The following CCDC178 variants were observed in gnomAD, a reference collection of about 807,000 sequenced individuals.
The protein encoded by CCDC178 is coiled-coil domain-containing protein 178.
CCDC178 carries 126 observed loss-of-function variants against 117.4 expected under a neutral mutation model. The ratio of observed to expected loss-of-function variants is 1.07; its 90% confidence interval spans 0.93 to 1.24. The LOEUF (loss-of-function observed/expected upper bound fraction) is 1.24. Among genes scored for constraint, CCDC178 ranks in the 50% most tolerant of loss-of-function variants. The probability of loss-of-function intolerance (pLI) is 0.00; values close to 1 mark genes in which losing one functional copy is unlikely to be tolerated. For missense variants in CCDC178, 1,030 were observed against 986.9 expected (o/e 1.04, Z -0.59); for synonymous variants, 283 against 313.4 (o/e 0.90, Z 1.02).
chr18:33,316,286 C>T (rs1476358246), intron 11 of CCDC178, among the ~76,000 whole-genome samples: 1 of 152,180 alleles, frequency 6.6e-6, no homozygotes, highest in Non-Finnish European at 1.5e-5. Flanking sequence ...GCGCGAGTTC[C>T]GTGGGTGTGA....
intron 21 of CCDC178, among the ~76,000 whole-genome samples, chr18:33,034,980 A>G (rs943186626): frequency 6.6e-6 from 1 of 151,968 alleles, no homozygotes; most frequent in Non-Finnish European, 1.5e-5. Context: ...TTTTATTCCT[A>G]ACACTCAAGG....
intron 22 of CCDC178, among the ~76,000 whole-genome samples, chr18:32,951,836 G>C (rs1164097028): frequency 1.3e-5 from 2 of 152,154 alleles, no homozygotes; most frequent in Non-Finnish European, 2.9e-5. Context: ...AGATACAATG[G>C]GGGTACAGGC....
intron 5 of CCDC178, among the ~76,000 whole-genome samples, chr18:33,372,379 G>A (rs764051063): frequency 1.3e-5 from 2 of 152,042 alleles, no homozygotes; most frequent in Non-Finnish European, 2.9e-5. Context: ...ATAACTAGCT[G>A]CACATCTTTA....
intron 22 of CCDC178, among the ~76,000 whole-genome samples, chr18:32,964,071 A>G (rs1040860559): frequency 1.3e-5 from 2 of 152,030 alleles, no homozygotes; most frequent in African/African-American, 4.8e-5. Context: ...TAGGAGAATA[A>G]TAACATAATC....
At chr18:33,379,964 C>T (rs2063420238) in intron 5 of CCDC178, among the ~76,000 whole-genome samples, 1 of 152,064 alleles carries the variant, frequency 6.6e-6, no homozygotes. Context: ...GGGTGTGGAG[C>T]AGAGAGGGCC....
At chr18:33,110,231 TCTTA>T (rs1323321001) in intron 20 of CCDC178, among the ~76,000 whole-genome samples, 1 of 151,646 alleles carries the variant, frequency 6.6e-6, no homozygotes, top group Non-Finnish European at 1.5e-5. Context: ...TGTCACTTTT[TCTTA>T]CTTATGCTGC....
intron 12 of CCDC178, among the ~76,000 whole-genome samples, chr18:33,272,056 A>T (rs60627702): frequency 0.069 from 10,409 of 151,492 alleles, 555 homozygotes; most frequent in African/African-American, 0.14. Flanking sequence ...TAATTTTTAA[A>T]AAACTACAGT....
At chr18:33,056,263 A>G (rs556450312) in intron 21 of CCDC178, among the ~76,000 whole-genome samples, 2 of 152,312 alleles carry the variant, frequency 1.3e-5, no homozygotes, top group Admixed American at 6.5e-5. Context: ...TCAGTTCACA[A>G]TCATCAAGCA....
chr18:33,193,252 G>T (rs1165070480), intron 20 of CCDC178, among the ~76,000 whole-genome samples: 1 of 108,916 alleles, frequency 9.2e-6, no homozygotes, highest in Non-Finnish European at 1.7e-5. Flanking sequence ...AACAGAGCGA[G>T]ACTCCGTCTC....
intron 20 of CCDC178, among the ~76,000 whole-genome samples, chr18:33,145,038 T>C (rs531665849): frequency 3.3e-5 from 5 of 152,334 alleles, no homozygotes; most frequent in African/African-American, 1.2e-4. Flanking sequence ...TTCCTCCTAG[T>C]GTTCAAAGAA....
rs964223029 is a variant in CCDC178, at chr18:33,342,700, A to C, written c.658+3511T>G. On this transcript the variant is annotated intron_variant, in intron 9 of 22. Coordinates refer to ENST00000383096, the MANE Select transcript of CCDC178 (RefSeq NM_001105528.4). ...CAACATACAGCCTTGAGCCAGCGCA[A>C]TTGGATCTGCGGCCTGAAGAAGAGC... is the stretch of plus-strand genomic sequence containing the variant. Among the ~76,000 whole-genome samples, 3 of 152,294 alleles carry C rather than the reference A, an allele frequency of 2.0e-5. No homozygotes were observed. In the South Asian group the frequency reaches 6.2e-4, roughly 32 times the overall value.
chr18:33,016,233 A>G (rs2055986360), intron 21 of CCDC178, among the ~76,000 whole-genome samples: 1 of 152,116 alleles, frequency 6.6e-6, no homozygotes, highest in African/African-American at 2.4e-5. Context: ...TTAAGTATTG[A>G]AAAAATACTG....
At chr18:33,318,304 T>C (rs562658189) in intron 11 of CCDC178, among the ~76,000 whole-genome samples, 1 of 152,212 alleles carries the variant, frequency 6.6e-6, no homozygotes, top group African/African-American at 2.4e-5. Flanking sequence ...GTCAGTAAAA[T>C]GAATATCAGG....
chr18:33,161,722 T>C (rs546235078), intron 20 of CCDC178, among the ~76,000 whole-genome samples: 2 of 152,278 alleles, frequency 1.3e-5, no homozygotes, highest in East Asian at 3.9e-4. Context: ...TCCAGCTTCA[T>C]CCATGTCCCT....
intron 6 of CCDC178, among the ~76,000 whole-genome samples, chr18:33,360,652 C>T (rs2063112805): frequency 6.6e-6 from 1 of 151,496 alleles, no homozygotes; most frequent in Non-Finnish European, 1.5e-5. Flanking sequence ...CTAATAAATT[C>T]AGCAGTTGCA....
intron 14 of CCDC178, among the ~76,000 whole-genome samples, chr18:33,259,656 C>A (rs139586678): frequency 6.7e-4 from 102 of 152,216 alleles, no homozygotes; most frequent in South Asian, 1.7e-3. Flanking sequence ...AATCACCCCC[C>A]CCCACCAGTC....
intron 21 of CCDC178, among the ~76,000 whole-genome samples, chr18:33,083,903 T>C (rs1390676888): frequency 2.0e-5 from 3 of 152,260 alleles, no homozygotes; most frequent in Non-Finnish European, 4.4e-5. Context: ...AACTACATTG[T>C]GTGTTTATAT....
chr18:33,255,992 C>T (rs1555672305), intron 14 of CCDC178, among the ~76,000 whole-genome samples: 1 of 143,600 alleles, frequency 7.0e-6, no homozygotes, highest in African/African-American at 2.5e-5. Context: ...AAAAAAAAAA[C>T]GCCTACCACA....
chr18:33,242,393 A>G (rs1317419394), intron 15 of CCDC178, among the ~76,000 whole-genome samples: 1 of 151,878 alleles, frequency 6.6e-6, no homozygotes, highest in Non-Finnish European at 1.5e-5. Flanking sequence ...CAAAAACAAA[A>G]ATAAACAAAT....
Sources: gnomAD v4.1 joint callset for allele counts (sites outside exome capture counted in the v4.1 genomes callset) on GRCh38, gnomAD v4.1.1 for gene constraint, MANE v1.5 for transcripts, NCBI Gene and HGNC (gene_info 2026-07-23, HGNC 2026-07-21) for gene names.